The following ARAP2 variants were observed in gnomAD, a reference collection of about 807,000 sequenced individuals.
The protein encoded by ARAP2 is ArfGAP with RhoGAP domain, ankyrin repeat and PH domain 2, also known as arf-GAP with Rho-GAP domain, ANK repeat and PH domain-containing protein 2.
A neutral mutation model predicts 194.5 loss-of-function variants in ARAP2; 148 were observed. The observed-to-expected ratio is 0.76, with a 90% confidence interval of 0.67 to 0.87. The LOEUF (loss-of-function observed/expected upper bound fraction) is 0.87, where lower values mean the gene tolerates loss of function less well. Ranked by LOEUF, ARAP2 falls within the 40% of genes least tolerant of loss-of-function variation. ARAP2 has a pLI of 0.00. For missense variants in ARAP2, 2,128 were observed against 1,989.7 expected (o/e 1.07, Z -1.32); for synonymous variants, 695 against 683.5 (o/e 1.02, Z -0.26).
At chr4:36,042,677 T>C in intron 5 of ARAP2, among the ~76,000 whole-genome samples, 1 of 152,174 alleles carries the variant, frequency 6.6e-6, no homozygotes, top group Admixed American at 6.5e-5. Flanking sequence ...TTGCTGAAAA[T>C]GAAAACTTTC....
chr4:36,068,056 T>G lies in ARAP2; in HGVS notation c.4966A>C (p.Thr1656Pro). Residue 1656 changes from threonine to proline, a missense_variant, in exon 33 of 33, where the codon ACA becomes CCA. Thr to Pro is a conservative substitution (Grantham distance 38, BLOSUM62 -1). Coordinates refer to ENST00000303965, the MANE Select transcript of ARAP2 (RefSeq NM_015230.4). Reference sequence around the variant, plus strand: ...TTCCTGTCCTCAGTCTTCCTCAATGTCTTTAGGCCTTTATGGCCTTTTGGT... The same window carrying G: ...TTCCTGTCCTCAGTCTTCCTCAATGGCTTTAGGCCTTTATGGCCTTTTGGT... ...GQPKGHKGLKTLRKTEDRNSK... is the reference protein window; with the variant it reads ...GQPKGHKGLKPLRKTEDRNSK... 6.2e-7 allele frequency: 1 copy of G among 1,614,160 alleles called. No homozygotes were observed. Among genetic ancestry groups the G allele is most frequent in the Non-Finnish European group, 8.5e-7 (1 of 1,179,992 alleles).
At chr4:36,034,053 T>C (rs1256291847) in intron 5 of ARAP2, among the ~76,000 whole-genome samples, 3 of 152,176 alleles carry the variant, frequency 2.0e-5, no homozygotes, top group Admixed American at 1.3e-4. Flanking sequence ...ACTGTAGCAA[T>C]GTAGTATAGT....
chr4:36,065,619 G>A (rs1725272382), downstream of ARAP2: 1 of 199,742 alleles, frequency 5.0e-6, no homozygotes, highest in African/African-American at 2.3e-5. Flanking sequence ...CACTGTTCCT[G>A]AACATGAGGG....
At chr4:36,184,306 C>G (rs1740005781) in intron 8 of ARAP2, among the ~76,000 whole-genome samples, 1 of 151,580 alleles carries the variant, frequency 6.6e-6, no homozygotes, top group Admixed American at 6.6e-5. Context: ...CGTACACACA[C>G]CTCTACACCC....
chr4:36,083,987 G>A (rs1730235477), intron 28 of ARAP2, among the ~76,000 whole-genome samples: 2 of 152,108 alleles, frequency 1.3e-5, no homozygotes, highest in African/African-American at 4.8e-5. Flanking sequence ...GATGCTTCCT[G>A]CCCTTGAACA....
In ARAP2 at chr4:36,214,280, T is replaced by A. The variant is rs545596506; in HGVS notation, c.964+142A>T. 1.1e-4 allele frequency: 56 copies of A among 487,772 alleles called. No individual in the cohort carries two copies. In the South Asian group the frequency reaches 1.6e-3, roughly 14 times the overall value. 30.2% of individuals were successfully genotyped at this position (487,772 alleles called of 1,614,324 possible). On this transcript the variant is annotated intron_variant, in intron 3 of 32. Transcript: ENST00000303965. ...TTATTCAGTCCATTTTAAAAGTGTC[T>A]GAAGTACTATGAACACTGGCAGACA...
At chr4:36,083,228 G>T in intron 29 of ARAP2, 140 bp downstream of exon 29, 1 of 652,696 alleles carries the variant, frequency 1.5e-6, no homozygotes, top group Non-Finnish European at 2.6e-6. Context: ...AGAACCCTGT[G>T]ACAGGGGAAG....
intron 2 of ARAP2, among the ~76,000 whole-genome samples, chr4:36,222,022 T>C (rs535439702): frequency 6.6e-6 from 1 of 152,254 alleles, no homozygotes; most frequent in East Asian, 1.9e-4. Context: ...TTCTACTATT[T>C]TACCAGTTAT....
At chr4:36,052,764 A>C (rs1160258049) in intron 2 of ARAP2, among the ~76,000 whole-genome samples, 1 of 152,126 alleles carries the variant, frequency 6.6e-6, no homozygotes, top group Non-Finnish European at 1.5e-5. Context: ...GGAGATCCAG[A>C]CCATCGTGGC....
rs139784184 is a variant in ARAP2 at position 36,218,346 on chromosome 4, T to C, written c.906-3866A>G. Among the ~76,000 whole-genome samples, 53 of 151,586 alleles carry C rather than the reference T, an allele frequency of 3.5e-4. 1 individual carries two copies. In the East Asian group the frequency reaches 9.9e-3, roughly 28 times the overall value. On this transcript the variant is annotated intron_variant, in intron 2 of 32. Coordinates refer to ENST00000303965, the MANE Select transcript of ARAP2 (RefSeq NM_015230.4). Reference sequence around the variant, plus strand: ...TGGGGAAGTGAGAGGAAAGAGAGGATCAGAAAAAATAAGTATTGGGTACTA... The same window carrying C: ...TGGGGAAGTGAGAGGAAAGAGAGGACCAGAAAAAATAAGTATTGGGTACTA...
chr4:36,161,640 T>A (rs1284833194), intron 11 of ARAP2, 90 bp from the exon 12 acceptor site: 1 of 1,026,626 alleles, frequency 9.7e-7, no homozygotes, highest in Non-Finnish European at 1.5e-6. Flanking sequence ...TGTCTGTGTA[T>A]GTTCGTTGCG....
At chr4:36,100,336 C>G (rs1560429086) in intron 27 of ARAP2, among the ~76,000 whole-genome samples, 1 of 151,744 alleles carries the variant, frequency 6.6e-6, no homozygotes, top group Non-Finnish European at 1.5e-5. Context: ...TTTTCGTGGT[C>G]TGCATGTGTC....
Position 36,115,400 on chromosome 4 carries a change from C to T in ARAP2, c.4039-1113G>A, listed in dbSNP as rs764126744. ...CAGTGATGCTGTTGATATGCATGAA[C>T]AAACAATATTTTTAAGGCTAGCACT... On this transcript the variant is annotated intron_variant, in intron 25 of 32. Coordinates refer to ENST00000303965, the MANE Select transcript of ARAP2 (RefSeq NM_015230.4). Among the ~76,000 whole-genome samples the T allele has an allele frequency of 2.0e-5, 3 of 152,020 alleles. No homozygotes were observed. In the South Asian group the frequency reaches 6.2e-4, roughly 32 times the overall value.
intron 28 of ARAP2, among the ~76,000 whole-genome samples, chr4:36,084,866 A>T (rs577386966): frequency 1.1e-4 from 17 of 152,094 alleles, no homozygotes; most frequent in Admixed American, 5.9e-4. Context: ...AATATGTTTT[A>T]AAAAAACCAT....
Position 36,067,889 on chromosome 4 carries a change from A to C in ARAP2, c.*18T>G, listed in dbSNP as rs1257639138. The C allele has an allele frequency of 1.6e-5, 24 of 1,548,086 alleles. No homozygotes were observed. The highest frequency in any genetic ancestry group is 2.0e-5 in the Non-Finnish European group (23 of 1,146,856). On this transcript the variant is annotated 3_prime_UTR_variant, in exon 33 of 33. Transcript: ENST00000303965. ...ACAATATTAAAAAAATAATCTGGGGAGCAATTCATTTTATTTCCTACTTCA... is the reference window on the plus strand; with the variant it reads ...ACAATATTAAAAAAATAATCTGGGGCGCAATTCATTTTATTTCCTACTTCA...
At chr4:36,104,611 C>A (rs370404035) in intron 27 of ARAP2, among the ~76,000 whole-genome samples, 2 of 152,008 alleles carry the variant, frequency 1.3e-5, no homozygotes, top group East Asian at 3.9e-4. Context: ...AAAATCACGA[C>A]TTAAGAAATT....
At chr4:36,227,033 T>C (rs1256043630) in intron 2 of ARAP2, among the ~76,000 whole-genome samples, 2 of 152,212 alleles carry the variant, frequency 1.3e-5, no homozygotes, top group Non-Finnish European at 1.5e-5. Context: ...GAGTGTCCTT[T>C]ACAGTCCCAA....
At chr4:36,063,198 TGTTAAA>T (rs1015541612), downstream of ARAP2, among the ~76,000 whole-genome samples, 25 of 152,302 alleles carry the variant, frequency 1.6e-4, no homozygotes, top group East Asian at 3.7e-3. Flanking sequence ...AGCTATGTTT[TGTTAAA>T]GATTTGCAGA....
chr4:36,186,972 G>A (rs1047831148), intron 8 of ARAP2, among the ~76,000 whole-genome samples: 2 of 152,114 alleles, frequency 1.3e-5, no homozygotes, highest in African/African-American at 4.8e-5. Flanking sequence ...CAGTCATCCA[G>A]GAACCATCTC....
Sources: gnomAD v4.1 joint callset for allele counts (sites outside exome capture counted in the v4.1 genomes callset) on GRCh38, gnomAD v4.1.1 for gene constraint, MANE v1.5 for transcripts, NCBI Gene and HGNC (gene_info 2026-07-23, HGNC 2026-07-21) for gene names.